Variants in NLGN1 observed in about 807,000 individuals in gnomAD.
NLGN1 encodes the protein neuroligin-1.
In NLGN1, 12 loss-of-function variants were observed where a neutral mutation model predicts 65.5. The ratio of observed to expected loss-of-function variants is 0.18; its 90% CI spans 0.12 to 0.30. NLGN1 has a LOEUF of 0.30. Ranked by LOEUF, NLGN1 falls within the 10% of genes least tolerant of loss-of-function variation. The pLI is 1.00. For synonymous variants in NLGN1, 350 were observed against 359.5 expected (o/e 0.97, Z 0.30); for missense variants, 750 against 1,007.1 (o/e 0.74, Z 3.46).
rs566037191 is a variant in NLGN1, at chr3:173,908,208, T to C, written c.646+100376T>C. On this transcript the variant is annotated intron_variant, in intron 4 of 6. Coordinates refer to ENST00000457714, the Ensembl canonical transcript of NLGN1. The stretch of plus-strand genomic sequence containing the variant: ...AATGGTAATACCTAGGCTAGTTTGA[T>C]TGCAGTAAAAACATCACACGTATCT... Among the ~76,000 whole-genome samples the C allele has an allele frequency of 1.6e-4, 24 of 152,326 alleles. No individual in the cohort carries two copies. In the South Asian group the frequency reaches 4.3e-3, roughly 28 times the overall value.
chr3:173,976,421 A>C (rs1158416957), intron 4 of NLGN1, among the ~76,000 whole-genome samples: 1 of 152,030 alleles, frequency 6.6e-6, no homozygotes, highest in Non-Finnish European at 1.5e-5. Context: ...TAACAGGATC[A>C]GAATTTTGGA....
At chr3:173,574,062 C>CAAAAAAAAAA in intron 2 of NLGN1, among the ~76,000 whole-genome samples, 1 of 51,922 alleles carries the variant, frequency 1.9e-5, no homozygotes, top group Non-Finnish European at 3.6e-5. Flanking sequence ...GACTCCACCT[C>CAAAAAAAAAA]AAAAAAAAAA....
chr3:173,996,950 T>G (rs375399105), intron 4 of NLGN1, among the ~76,000 whole-genome samples: 1 of 152,148 alleles, frequency 6.6e-6, no homozygotes, highest in African/African-American at 2.4e-5. Context: ...CAGGGCGTAA[T>G]ATAAATCCCA....
rs570064321 is a variant in NLGN1, at chr3:173,828,609, G to C, written c.646+20777G>C. On this transcript the variant is annotated intron_variant, in intron 4 of 6. Coordinates refer to ENST00000457714, the Ensembl canonical transcript of NLGN1. ...AGTAAATAAAATACAAAGTATGTTT[G>C]ATAGTGATAGATGCTGAGGAGAAAA... Among the ~76,000 whole-genome samples, 3 of 152,244 alleles carry C rather than the reference G, an allele frequency of 2.0e-5. No individual in the cohort carries two copies. In the East Asian group the frequency reaches 5.8e-4, roughly 29 times the overall value.
chr3:173,909,532 A>G (rs891950851), intron 4 of NLGN1, among the ~76,000 whole-genome samples: 1 of 152,218 alleles, frequency 6.6e-6, no homozygotes, highest in Non-Finnish European at 1.5e-5. Flanking sequence ...CTATTGAGCA[A>G]TCAGCTTGCC....
intron 4 of NLGN1, among the ~76,000 whole-genome samples, chr3:174,117,795 C>G (rs1716855991): frequency 6.6e-6 from 1 of 152,176 alleles, no homozygotes; most frequent in East Asian, 1.9e-4. Flanking sequence ...TTGATTTAAC[C>G]AAAGATTAGA....
intron 2 of NLGN1, among the ~76,000 whole-genome samples, chr3:173,532,940 G>A (rs536547443): frequency 6.6e-6 from 1 of 152,254 alleles, no homozygotes; most frequent in African/African-American, 2.4e-5. Flanking sequence ...TGGGATAGAG[G>A]GAAAGAGAAC....
intron 4 of NLGN1, among the ~76,000 whole-genome samples, chr3:174,025,544 G>A (rs149312429): frequency 1.3e-5 from 2 of 152,126 alleles, no homozygotes; most frequent in African/African-American, 4.8e-5. Flanking sequence ...AAGAGAAAAT[G>A]GACAAAGAAT....
intron 4 of NLGN1, among the ~76,000 whole-genome samples, chr3:173,856,410 T>A (rs1727988614): frequency 6.6e-6 from 1 of 152,144 alleles, no homozygotes; most frequent in Admixed American, 6.6e-5. Context: ...GTTAAAAATC[T>A]GTAAGTCACA....
intron 5 of NLGN1, among the ~76,000 whole-genome samples, chr3:174,278,593 G>A (rs1029924343): frequency 1.3e-5 from 2 of 151,738 alleles, no homozygotes; most frequent in Admixed American, 1.3e-4. Context: ...CCACTACATC[G>A]TCTCCTTTTC....
chr3:173,798,766 T>C (rs1714742266), intron 3 of NLGN1, among the ~76,000 whole-genome samples: 1 of 152,080 alleles, frequency 6.6e-6, no homozygotes, highest in Non-Finnish European at 1.5e-5. Context: ...TCAATTGAGG[T>C]AGTCAATGGG....
chr3:174,095,861 G>A (rs1745420554), intron 4 of NLGN1, among the ~76,000 whole-genome samples: 1 of 151,926 alleles, frequency 6.6e-6, no homozygotes, highest in Non-Finnish European at 1.5e-5. Context: ...TTAGCTGGAT[G>A]TGGTGGCATG....
intron 4 of NLGN1, among the ~76,000 whole-genome samples, chr3:173,966,486 T>A (rs191302114): frequency 3.2e-4 from 48 of 152,358 alleles, no homozygotes; most frequent in Admixed American, 3.0e-3. Flanking sequence ...ACATGAATTA[T>A]TTGTGCCACC....
At chr3:174,165,440 C>A (rs1214405772) in intron 4 of NLGN1, among the ~76,000 whole-genome samples, 1 of 151,940 alleles carries the variant, frequency 6.6e-6, no homozygotes, top group Non-Finnish European at 1.5e-5. Context: ...GCTTTTTGGG[C>A]ATCTGTTGAG....
At chr3:174,011,064 A>C (rs1165343463) in intron 4 of NLGN1, among the ~76,000 whole-genome samples, 1 of 152,126 alleles carries the variant, frequency 6.6e-6, no homozygotes, top group Non-Finnish European at 1.5e-5. Flanking sequence ...TAGCCCCCTC[A>C]GTGGAAGCTT....
chr3:173,603,039 C>T (rs558047423), intron 2 of NLGN1, among the ~76,000 whole-genome samples: 2 of 152,206 alleles, frequency 1.3e-5, no homozygotes, highest in South Asian at 4.1e-4. Flanking sequence ...ACACACTAGG[C>T]CAGAACCAAA....
intron 4 of NLGN1, among the ~76,000 whole-genome samples, chr3:173,949,383 A>C (rs779377609): frequency 6.6e-6 from 1 of 152,306 alleles, no homozygotes; most frequent in African/African-American, 2.4e-5. Flanking sequence ...GCAAAACTGT[A>C]AATAAGACAT....
chr3:173,879,708 C>G (rs1223845590), intron 4 of NLGN1, among the ~76,000 whole-genome samples: 5 of 151,614 alleles, frequency 3.3e-5, no homozygotes, highest in Admixed American at 3.3e-4. Flanking sequence ...ACTCTGGATT[C>G]AGTTATGTTC....
chr3:173,539,657 G>GTATATATGTAAATATATAACATATA (rs1362050556), intron 2 of NLGN1, among the ~76,000 whole-genome samples: 1 of 124,274 alleles, frequency 8.0e-6, no homozygotes, highest in Non-Finnish European at 1.6e-5. Context: ...TATAACATAT[G>GTATATATGTAAATATATAACATATA]TGTATATATG....
Sources: allele counts gnomAD v4.1 joint callset (sites outside exome capture counted in the v4.1 genomes callset), GRCh38; gene constraint gnomAD v4.1.1; transcripts MANE v1.5; gene names NCBI Gene and HGNC (gene_info 2026-07-23, HGNC 2026-07-21).